The following PTPRN2 variants were observed in gnomAD, a reference collection of about 807,000 sequenced individuals.
PTPRN2 encodes receptor-type tyrosine-protein phosphatase N2.
Under a neutral mutation model 118.8 loss-of-function variants are expected in PTPRN2, and 74 were observed. That is an observed-to-expected ratio of 0.62 (90% CI 0.52 to 0.76). The LOEUF is 0.76. Ranked by LOEUF, PTPRN2 falls within the 30% of genes least tolerant of loss-of-function variation. PTPRN2 has a pLI of 0.00. For synonymous variants in PTPRN2, 641 were observed against 608.0 expected (o/e 1.05, Z -0.80); for missense variants, 1,481 against 1,394.4 (o/e 1.06, Z -0.99).
intron 1 of PTPRN2, among the ~76,000 whole-genome samples, chr7:158,567,773 C>A (rs1356998290): frequency 1.3e-5 from 2 of 152,176 alleles, no homozygotes; most frequent in African/African-American, 4.8e-5. Flanking sequence ...CACCCCCCCA[C>A]ACCTGATGAG....
chr7:158,411,475 C>G (rs906677514), intron 2 of PTPRN2, among the ~76,000 whole-genome samples: 1 of 152,178 alleles, frequency 6.6e-6, no homozygotes, highest in African/African-American at 2.4e-5. Context: ...TCTGGTCCCC[C>G]CAGCACTCAC....
intron 2 of PTPRN2, among the ~76,000 whole-genome samples, chr7:158,441,750 T>C (rs368547046): frequency 1.4e-5 from 2 of 140,682 alleles, no homozygotes; most frequent in Non-Finnish European, 3.1e-5. Context: ...GTGGTGGTGA[T>C]AGTGATAGTG....
intron 1 of PTPRN2, among the ~76,000 whole-genome samples, chr7:158,586,279 G>A (rs1387887480): frequency 1.3e-5 from 2 of 152,222 alleles, no homozygotes; most frequent in Non-Finnish European, 2.9e-5. Context: ...CGTCAACTCA[G>A]GAGTCCAGGG....
At chr7:158,501,013 C>G (rs1822321213) in intron 1 of PTPRN2, among the ~76,000 whole-genome samples, 1 of 152,266 alleles carries the variant, frequency 6.6e-6, no homozygotes, top group African/African-American at 2.4e-5. Context: ...TGCGGCTTCC[C>G]GCCTCCCGCT....
chr7:157,820,651 T>C (rs1188193959), intron 12 of PTPRN2, among the ~76,000 whole-genome samples: 1 of 151,910 alleles, frequency 6.6e-6, no homozygotes, highest in Admixed American at 6.6e-5. Flanking sequence ...CACACACACA[T>C]GCACACACAC....
chr7:158,205,895 C>A (rs922342848), intron 3 of PTPRN2, among the ~76,000 whole-genome samples: 2 of 152,182 alleles, frequency 1.3e-5, no homozygotes, highest in Non-Finnish European at 2.9e-5. Flanking sequence ...CAGCCCTAGA[C>A]AGAGCAGTAC....
intron 1 of PTPRN2, among the ~76,000 whole-genome samples, chr7:158,550,062 C>T (rs774785984): frequency 2.0e-5 from 3 of 152,254 alleles, no homozygotes; most frequent in Non-Finnish European, 2.9e-5. Flanking sequence ...GGCTTTCACA[C>T]GAGAGCACAC....
chr7:157,807,204 G>A (rs780918691), intron 12 of PTPRN2, among the ~76,000 whole-genome samples: 6 of 152,206 alleles, frequency 3.9e-5, no homozygotes, highest in Non-Finnish European at 8.8e-5. Flanking sequence ...CCACAACAAT[G>A]GGGTTTGTCA....
In PTPRN2 at chr7:158,149,053, CA is replaced by C. The variant is rs1222426521; in HGVS notation, c.911-10539del. 7.2e-4 allele frequency among the ~76,000 whole-genome samples: 93 copies of C among 129,610 alleles called. 1 individual carries two copies. Among genetic ancestry groups the C allele is most frequent in the African/African-American group, 2.8e-3 (88 of 31,280 alleles). 85.0% of individuals were successfully genotyped at this position (129,610 alleles called of 152,430 possible). A position where few individuals can be genotyped will look rare whatever the true frequency, so the allele number is the denominator to read the frequency against. On this transcript the variant is annotated intron_variant, in intron 6 of 22. Coordinates refer to ENST00000389418, the MANE Select transcript of PTPRN2 (RefSeq NM_002847.5). ...GTGTCTTTCCCTCTCACTGACACCC[CA>C]TCTCATGCCACGTGTCATTCCCCCT...
At chr7:158,244,845 G>A (rs1055158142) in intron 3 of PTPRN2, among the ~76,000 whole-genome samples, 7 of 151,992 alleles carry the variant, frequency 4.6e-5, no homozygotes, top group African/African-American at 1.5e-4. Context: ...ACATGTGAGT[G>A]TATGGGGGGC....
chr7:157,898,798 C>T lies in PTPRN2; in HGVS notation c.1724-61G>A, dbSNP rs568197036. On this transcript the variant is annotated intron_variant, in intron 11 of 22. Coordinates refer to ENST00000389418, the MANE Select transcript of PTPRN2 (RefSeq NM_002847.5). Reference sequence around the variant, plus strand: ...TGGAGAGGTCCTCAGTCTCCGGGCACCTCTGAGTATTTTCCTCCATTGAAA... The same window carrying T: ...TGGAGAGGTCCTCAGTCTCCGGGCATCTCTGAGTATTTTCCTCCATTGAAA... 97 of 1,412,802 alleles carry T rather than the reference C, an allele frequency of 6.9e-5. 1 individual carries two copies. In the South Asian group the frequency reaches 1.0e-3, roughly 15 times the overall value. 87.5% of individuals were successfully genotyped at this position (1,412,802 alleles called of 1,614,324 possible).
chr7:158,122,889 C>G (rs541534703), intron 9 of PTPRN2, among the ~76,000 whole-genome samples: 2 of 152,190 alleles, frequency 1.3e-5, no homozygotes, highest in Non-Finnish European at 2.9e-5. Context: ...TAAAACTTCT[C>G]CACGTCTCAT....
At position 158,453,162 on chromosome 7, in the gene PTPRN2, A is replaced by G. The variant is rs563762416; in HGVS notation, c.163+36573T>C. Among the ~76,000 whole-genome samples the G allele has an allele frequency of 7.1e-5, 7 of 98,114 alleles. No individual in the cohort carries two copies. The South Asian group carries it at 2.2e-3, about 30-fold the overall frequency. 64.4% of individuals were successfully genotyped at this position (98,114 alleles called of 152,430 possible). A position where few individuals can be genotyped will look rare whatever the true frequency, so the allele number is the denominator to read the frequency against. ...GGACATAGGGGAATTGAAAGAGGAC[A>G]GTCCTCACCGTACGGTGCAGGGGGC... On this transcript the variant is annotated intron_variant, in intron 2 of 22. Transcript: ENST00000389418.
chr7:157,563,024 A>G (rs1279324299), intron 21 of PTPRN2, among the ~76,000 whole-genome samples: 2 of 123,096 alleles, frequency 1.6e-5, no homozygotes, highest in Non-Finnish European at 3.4e-5. Flanking sequence ...GTCACCACAC[A>G]CAGCAGATCA....
chr7:158,215,135 A>T (rs1483827358), intron 3 of PTPRN2, among the ~76,000 whole-genome samples: 1 of 152,248 alleles, frequency 6.6e-6, no homozygotes, highest in East Asian at 1.9e-4. Flanking sequence ...CACTTGAAAC[A>T]AATGAAAAAG....
At chr7:158,000,245 A>G (rs1387394467) in intron 11 of PTPRN2, among the ~76,000 whole-genome samples, 1 of 152,130 alleles carries the variant, frequency 6.6e-6, no homozygotes, top group Non-Finnish European at 1.5e-5. Flanking sequence ...CTTTTGCCAA[A>G]GGATGCTTCT....
chr7:158,092,226 A>ATATG (rs1814243198), intron 10 of PTPRN2, among the ~76,000 whole-genome samples: 1 of 150,836 alleles, frequency 6.6e-6, no homozygotes, highest in South Asian at 2.1e-4. Context: ...ATACACACAT[A>ATATG]TATGTATATA....
chr7:157,680,330 G>A (rs1011969051), intron 13 of PTPRN2, among the ~76,000 whole-genome samples: 3 of 152,088 alleles, frequency 2.0e-5, no homozygotes, highest in African/African-American at 2.4e-5. Context: ...ACATTAATGC[G>A]AGAAGACACC....
intron 12 of PTPRN2, among the ~76,000 whole-genome samples, chr7:157,693,998 C>T (rs1444398026): frequency 6.6e-6 from 1 of 152,278 alleles, no homozygotes; most frequent in African/African-American, 2.4e-5. Flanking sequence ...CCTGGGGCGG[C>T]CACGGGGCCG....
Sources: gnomAD v4.1 joint callset for allele counts (sites outside exome capture counted in the v4.1 genomes callset) on GRCh38, gnomAD v4.1.1 for gene constraint, MANE v1.5 for transcripts, NCBI Gene and HGNC (gene_info 2026-07-23, HGNC 2026-07-21) for gene names.